BLK: variants seen among roughly 807,000 people sequenced by gnomAD.
BLK encodes BLK proto-oncogene, Src family tyrosine kinase, also known as tyrosine-protein kinase Blk.
Under a neutral mutation model 61.8 loss-of-function variants are expected in BLK, and 64 were observed. That is an observed-to-expected ratio of 1.03 (90% CI 0.85 to 1.27). BLK has a LOEUF of 1.27. Ranked by LOEUF, BLK falls within the 50% of genes most tolerant of loss-of-function variation. The probability of loss-of-function intolerance (pLI) is 0.00; values close to 1 mark genes in which losing one functional copy is unlikely to be tolerated. For synonymous variants in BLK, 351 were observed against 272.0 expected (o/e 1.29, Z -2.86); for missense variants, 853 against 660.5 (o/e 1.29, Z -3.19).
chr8:11,546,458 T>G (rs1416674742), intron 3 of BLK, among the ~76,000 whole-genome samples: 1 of 152,146 alleles, frequency 6.6e-6, no homozygotes, highest in Admixed American at 6.5e-5. Context: ...TCCAGGCCCT[T>G]GCCTCCAGCC....
chr8:11,543,585 A>T (rs1414185318), intron 2 of BLK, among the ~76,000 whole-genome samples: 2 of 152,200 alleles, frequency 1.3e-5, no homozygotes, highest in Non-Finnish European at 2.9e-5. Context: ...AAAGAAATGT[A>T]AAAAGGTCAG....
At chr8:11,560,903 A>C in intron 10 of BLK, 1 of 469,164 alleles carries the variant, frequency 2.1e-6, no homozygotes, top group South Asian at 1.5e-5. Flanking sequence ...CTGTGCTTCC[A>C]GCCAGCCAGT....
chr8:11,515,431 C>T (rs915359253), intron 1 of BLK, among the ~76,000 whole-genome samples: 2 of 152,162 alleles, frequency 1.3e-5, no homozygotes, highest in African/African-American at 4.8e-5. Context: ...CACCTGAGTC[C>T]TCAGGGCCTG....
At chr8:11,497,994 A>G (rs1585312591) in intron 1 of BLK, among the ~76,000 whole-genome samples, 1 of 152,332 alleles carries the variant, frequency 6.6e-6, no homozygotes, top group African/African-American at 2.4e-5. Context: ...CCAGAGCCCA[A>G]GACATAGACG....
chr8:11,528,247 G>T (rs1436756836), intron 1 of BLK, among the ~76,000 whole-genome samples: 2 of 152,130 alleles, frequency 1.3e-5, no homozygotes, highest in African/African-American at 4.8e-5. Flanking sequence ...GTGTTGTCCA[G>T]GCTGGTCTAG....
chr8:11,558,318 G>A (rs932042573), intron 10 of BLK: 1 of 463,022 alleles, frequency 2.2e-6, no homozygotes, highest in African/African-American at 2.0e-5. Context: ...CTGTTCCGAA[G>A]GAAGAGAGGG....
chr8:11,537,642 T>C (rs943387746), intron 1 of BLK, among the ~76,000 whole-genome samples: 5 of 152,192 alleles, frequency 3.3e-5, no homozygotes, highest in Non-Finnish European at 7.3e-5. Context: ...CTCTGCCACC[T>C]TCAGCATGAC....
chr8:11,508,245 T>C (rs1243618655), intron 1 of BLK, among the ~76,000 whole-genome samples: 1 of 152,210 alleles, frequency 6.6e-6, no homozygotes, highest in Admixed American at 6.5e-5. Context: ...GCGCGAAGGC[T>C]AAGCACATGC....
intron 9 of BLK, among the ~76,000 whole-genome samples, chr8:11,557,678 G>C (rs548108398): frequency 2.0e-5 from 3 of 152,294 alleles, no homozygotes; most frequent in African/African-American, 7.2e-5. Flanking sequence ...CCCACTCCCA[G>C]CTCCCGGCTG....
In BLK at chr8:11,554,876, G is replaced by A. The variant is rs529243241; in HGVS notation, c.606G>A (p.Val202=). 4 of 1,613,410 alleles carry A rather than the reference G, an allele frequency of 2.5e-6. No individual in the cohort carries two copies. The African/African-American group carries it at 4.0e-5, about 16-fold the overall frequency. Residue 202 remains valine, a synonymous_variant, in exon 7 of 13, where the codon GTG becomes GTA. Coordinates refer to ENST00000259089, the MANE Select transcript of BLK (RefSeq NM_001715.3). The stretch of plus-strand genomic sequence containing the variant: ...CCTTCCCCTCGCTCCAGGCCCTGGT[G>A]CAGCACTATTCTAGTAAGAGGGGGC... ...RITFPSLQAL[V]QHYSKKGDGL...
intron 1 of BLK, among the ~76,000 whole-genome samples, chr8:11,537,296 G>C (rs1049055125): frequency 2.6e-5 from 4 of 152,184 alleles, no homozygotes; most frequent in Non-Finnish European, 5.9e-5. Flanking sequence ...ATGTTGGTGA[G>C]ATGCTCCATA....
At chr8:11,549,825 G>C (rs1193119488) in intron 5 of BLK, among the ~76,000 whole-genome samples, 3 of 152,244 alleles carry the variant, frequency 2.0e-5, no homozygotes, top group Non-Finnish European at 4.4e-5. Flanking sequence ...ACTGCAAGGA[G>C]GAGGCACGTG....
chr8:11,560,158 GGTGGGTGGGTGGATGGATGGATGC>G (rs1801428703), intron 10 of BLK: 4 of 44,908 alleles, frequency 8.9e-5, no homozygotes, highest in Non-Finnish European at 1.3e-4. Context: ...TGGGTGGGTG[GGTGGGTGGGTGGATGGATGGATGC>G]ATGGATGGAT....
At chr8:11,561,216 C>T (rs1801491216) in intron 10 of BLK, 86 bp from the exon 11 acceptor site, 1 of 1,541,222 alleles carries the variant, frequency 6.5e-7, no homozygotes, top group South Asian at 1.2e-5. Context: ...CAGCAGCCCA[C>T]AGGGGCTGTG....
At chr8:11,539,006 A>C (rs1052186982) in intron 1 of BLK, among the ~76,000 whole-genome samples, 3 of 152,162 alleles carry the variant, frequency 2.0e-5, no homozygotes, top group African/African-American at 7.2e-5. Context: ...ATAATCCAAA[A>C]TCCATTTAGA....
chr8:11,558,540 G>C (rs1243386944), intron 10 of BLK: 1 of 417,802 alleles, frequency 2.4e-6, no homozygotes, highest in Non-Finnish European at 4.8e-6. Context: ...AGATGCCAGG[G>C]ACATGACTTC....
At chr8:11,543,200 C>A in intron 1 of BLK, 24 bp from the exon 2 acceptor site, 2 of 1,613,542 alleles carry the variant, frequency 1.2e-6, no homozygotes, top group Non-Finnish European at 1.7e-6. Flanking sequence ...CTCATGTCCT[C>A]TGTCTGCTGT....
At chr8:11,502,626 A>C (rs1798607521) in intron 1 of BLK, among the ~76,000 whole-genome samples, 1 of 152,214 alleles carries the variant, frequency 6.6e-6, no homozygotes, top group African/African-American at 2.4e-5. Flanking sequence ...TAATGATTTG[A>C]ATAATTCAGC....
intron 11 of BLK, 42 bp downstream of exon 11, chr8:11,561,494 T>C (rs746708387): frequency 3.7e-6 from 6 of 1,604,964 alleles, no homozygotes; most frequent in Non-Finnish European, 5.1e-6. Context: ...TAGGGCCTTA[T>C]CTTTCCCAGC....
Sources: gnomAD v4.1 joint callset for allele counts (sites outside exome capture counted in the v4.1 genomes callset) on GRCh38, gnomAD v4.1.1 for gene constraint, MANE v1.5 for transcripts, NCBI Gene and HGNC (gene_info 2026-07-23, HGNC 2026-07-21) for gene names.